SPHKAP: variants seen among roughly 807,000 people sequenced by gnomAD.
The protein encoded by SPHKAP is A-kinase anchor protein SPHKAP.
A neutral mutation model predicts 137.5 loss-of-function variants in SPHKAP; 67 were observed. The ratio of observed to expected loss-of-function variants is 0.49; its 90% CI spans 0.40 to 0.60. The LOEUF (loss-of-function observed/expected upper bound fraction) is 0.60, where lower values mean the gene tolerates loss of function less well. Ranked by LOEUF, SPHKAP falls within the 20% of genes least tolerant of loss-of-function variation. The pLI is 0.00. For synonymous variants in SPHKAP, 813 were observed against 785.3 expected (o/e 1.04, Z -0.59); for missense variants, 2,097 against 2,069.3 (o/e 1.01, Z -0.26).
chr2:228,100,860 TAGAA>T (rs1215347806), intron 3 of SPHKAP, among the ~76,000 whole-genome samples: 5 of 152,210 alleles, frequency 3.3e-5, no homozygotes, highest in Non-Finnish European at 5.9e-5. Flanking sequence ...GCTGGCTACA[TAGAA>T]AGAGTTAGGA....
Position 228,084,953 on chromosome 2 carries a change from T to C in SPHKAP, c.246+23879A>G, listed in dbSNP as rs968430397. Among the ~76,000 whole-genome samples, 6 of 152,194 alleles carry C rather than the reference T, an allele frequency of 3.9e-5. No individual in the cohort carries two copies. The South Asian group carries it at 1.2e-3, about 32-fold the overall frequency. ...TGCTGTTACTGAGATAAACCAAAAATACACCTCTAGTTCTTTCACCTCTTA... is the reference window on the plus strand; with the variant it reads ...TGCTGTTACTGAGATAAACCAAAAACACACCTCTAGTTCTTTCACCTCTTA... On this transcript the variant is annotated intron_variant, in intron 3 of 11. Transcript: ENST00000392056.
At chr2:228,096,444 C>T (rs997292861) in intron 3 of SPHKAP, among the ~76,000 whole-genome samples, 5 of 152,066 alleles carry the variant, frequency 3.3e-5, no homozygotes, top group Non-Finnish European at 4.4e-5. Context: ...CCCGACAAGC[C>T]CCTCTCCCTG....
chr2:227,982,287 A>G, intron 11 of SPHKAP: 1 of 985,362 alleles, frequency 1.0e-6, no homozygotes, highest in Non-Finnish European at 1.2e-6. Flanking sequence ...GGCCAAATAA[A>G]TCAAGTGGTA....
At chr2:228,032,909 GC>G (rs1378897498) in intron 3 of SPHKAP, among the ~76,000 whole-genome samples, 7 of 152,148 alleles carry the variant, frequency 4.6e-5, no homozygotes, top group African/African-American at 1.7e-4. Context: ...ACCGGTACCT[GC>G]CACTCCAAAA....
rs537153599 is a variant in SPHKAP, at chr2:228,163,455, G to A, written c.32+18112C>T. Among the ~76,000 whole-genome samples the A allele has an allele frequency of 2.0e-5, 3 of 152,210 alleles. No homozygotes were observed. In the East Asian group the frequency reaches 5.8e-4, roughly 29 times the overall value. ...GTTCACTATGCAAGATGCAGACTAA[G>A]GTACTAAGTGACCCACTACCAGCTC... On this transcript the variant is annotated intron_variant, in intron 1 of 11. Coordinates refer to ENST00000392056, the MANE Select transcript of SPHKAP (RefSeq NM_001142644.2).
Position 228,019,799 on chromosome 2 carries a change from T to C in SPHKAP, c.1055A>G (p.Asp352Gly), listed in dbSNP as rs777275229. 4.3e-6 allele frequency: 7 copies of C among 1,614,026 alleles called. No individual in the cohort carries two copies. Among genetic ancestry groups the C allele is most frequent in the Non-Finnish European group, 5.9e-6 (7 of 1,180,022 alleles). ...TGCCACAGCACATGCAGAAGGTACA[T>C]CTTTATCCATCATGGAGAAATAAGC... is the stretch of plus-strand genomic sequence containing the variant. ...KDAYFSMMDK[D>G]VPSACAVAEQ... Residue 352 changes from aspartate (D) to glycine (G), a missense_variant, in exon 7 of 12, where the codon GAT (aspartate) becomes GGT (glycine). Coordinates refer to ENST00000392056, the MANE Select transcript of SPHKAP (RefSeq NM_001142644.2).
chr2:228,085,832 C>T (rs558708596), intron 3 of SPHKAP, among the ~76,000 whole-genome samples: 1 of 152,074 alleles, frequency 6.6e-6, no homozygotes, highest in South Asian at 2.1e-4. Context: ...GAAAATCTTG[C>T]CTCTTTTCAC....
rs1237699263 is a variant in SPHKAP at position 228,019,614 on chromosome 2, A to C, written c.1240T>G (p.Leu414Val). Residue 414 changes from leucine (L) to valine (V), a missense_variant, in exon 7 of 12, where the codon TTA (leucine) becomes GTA (valine). Leu to Val is a conservative substitution (Grantham distance 32). Coordinates refer to ENST00000392056, the MANE Select transcript of SPHKAP (RefSeq NM_001142644.2). ...ACACTGACTGCAGATTCCTGGGGTAATGTGGACTGAGATTGAGATAATCTA... is the reference window on the plus strand; with the variant it reads ...ACACTGACTGCAGATTCCTGGGGTACTGTGGACTGAGATTGAGATAATCTA... ...FIRLSQSQSTLPQESAVSVSV... is the reference protein window; with the variant it reads ...FIRLSQSQSTVPQESAVSVSV... 6.2e-7 allele frequency: 1 copy of C among 1,614,146 alleles called. No homozygotes were observed. Among genetic ancestry groups the C allele is most frequent in the Non-Finnish European group, 8.5e-7 (1 of 1,179,990 alleles).
At position 228,046,208 on chromosome 2, in the gene SPHKAP, T is replaced by A. The variant is rs181433969; in HGVS notation, c.247-18665A>T. ...CCTGAATATATGCAATTTTTGTTTGTTCATTAAATATTTCAAAGTAAACTA... is the reference window on the plus strand; with the variant it reads ...CCTGAATATATGCAATTTTTGTTTGATCATTAAATATTTCAAAGTAAACTA... On this transcript the variant is annotated intron_variant, in intron 3 of 11. Coordinates refer to ENST00000392056, the MANE Select transcript of SPHKAP (RefSeq NM_001142644.2). Among the ~76,000 whole-genome samples the A allele has an allele frequency of 1.5e-3, 226 of 152,132 alleles. 1 individual carries two copies. Among genetic ancestry groups the A allele is most frequent in the Non-Finnish European group, 2.4e-3 (162 of 68,010 alleles).
At chr2:228,125,246 G>A (rs12615089) in intron 2 of SPHKAP, among the ~76,000 whole-genome samples, 51,990 of 151,988 alleles carry the variant, frequency 0.34, 9,172 homozygotes, top group East Asian at 0.5. Flanking sequence ...GCATAGATTG[G>A]AAATGCCCAG....
chr2:227,983,123 A>C (rs1441851992), intron 11 of SPHKAP, among the ~76,000 whole-genome samples: 1 of 151,972 alleles, frequency 6.6e-6, no homozygotes, highest in Non-Finnish European at 1.5e-5. Flanking sequence ...ATTAATTATT[A>C]TTATTTTTTG....
intron 1 of SPHKAP, among the ~76,000 whole-genome samples, chr2:228,166,084 T>C (rs746177583): frequency 2.0e-5 from 3 of 152,144 alleles, no homozygotes; most frequent in Non-Finnish European, 4.4e-5. Context: ...CCACGAGGAC[T>C]ATGACATGAT....
At chr2:228,090,855 G>A (rs1697704282) in intron 3 of SPHKAP, among the ~76,000 whole-genome samples, 2 of 152,138 alleles carry the variant, frequency 1.3e-5, no homozygotes, top group South Asian at 4.1e-4. Context: ...CTCACCTGAA[G>A]GGGAGCAGAT....
At chr2:228,099,513 T>G (rs1698116040) in intron 3 of SPHKAP, among the ~76,000 whole-genome samples, 1 of 152,204 alleles carries the variant, frequency 6.6e-6, no homozygotes, top group Non-Finnish European at 1.5e-5. Flanking sequence ...CAGGCTCTTT[T>G]TTTGGTTCCA....
intron 11 of SPHKAP, among the ~76,000 whole-genome samples, chr2:227,986,394 T>C (rs1287909585): frequency 6.6e-6 from 1 of 152,006 alleles, no homozygotes; most frequent in Non-Finnish European, 1.5e-5. Context: ...ATATGAATGA[T>C]ATTATGGACT....
chr2:228,122,991 A>G (rs1198052793), intron 2 of SPHKAP, among the ~76,000 whole-genome samples: 3 of 152,146 alleles, frequency 2.0e-5, no homozygotes, highest in Non-Finnish European at 4.4e-5. Context: ...CCTTACGGCC[A>G]AAGAGTCCTC....
At chr2:228,161,081 T>A (rs983866766) in intron 1 of SPHKAP, among the ~76,000 whole-genome samples, 1 of 152,164 alleles carries the variant, frequency 6.6e-6, no homozygotes, top group African/African-American at 2.4e-5. Context: ...TACAAATGTG[T>A]CACTGTCATG....
rs1697109250 is a variant in SPHKAP at position 228,074,460 on chromosome 2, AAG to A, written c.246+34370_246+34371del. Among the ~76,000 whole-genome samples the A allele has an allele frequency of 2.0e-5, 3 of 152,170 alleles. No homozygotes were observed. In the South Asian group the frequency reaches 6.2e-4, roughly 32 times the overall value. On this transcript the variant is annotated intron_variant, in intron 3 of 11. Coordinates refer to ENST00000392056, the MANE Select transcript of SPHKAP (RefSeq NM_001142644.2). Reference sequence around the variant, plus strand: ...AGACACATCTTACATGGCAGCAGGCAAGAGAGGGAGAATGAGTGCTGGCAGGG... The same window carrying A: ...AGACACATCTTACATGGCAGCAGGCAAGAGGGAGAATGAGTGCTGGCAGGG...
Position 228,134,092 on chromosome 2 carries a change from TAAAG to T in SPHKAP, c.33-2011_33-2008del, listed in dbSNP as rs1001243289. 5.0e-4 allele frequency among the ~76,000 whole-genome samples: 46 copies of T among 92,358 alleles called. 1 individual carries two copies. Among genetic ancestry groups the T allele is most frequent in the African/African-American group, 1.3e-4 (3 of 23,062 alleles). 60.6% of individuals were successfully genotyped at this position (92,358 alleles called of 152,430 possible). The stretch of plus-strand genomic sequence containing the variant: ...AAAAGAGAGAGAAAGAAGAAAGAAG[TAAAG>T]AAAGGAAGGAAGGAAGGGAGAGAGA... On this transcript the variant is annotated intron_variant, in intron 1 of 11. Transcript: ENST00000392056.
Sources: gnomAD v4.1 joint callset for allele counts (sites outside exome capture counted in the v4.1 genomes callset) on GRCh38, gnomAD v4.1.1 for gene constraint, MANE v1.5 for transcripts, NCBI Gene and HGNC (gene_info 2026-07-23, HGNC 2026-07-21) for gene names.